KDM7A: variants seen among roughly 807,000 people sequenced by gnomAD.
KDM7A encodes the protein lysine-specific demethylase 7A.
Under a neutral mutation model 114.8 loss-of-function variants are expected in KDM7A, and 28 were observed. That is an observed-to-expected ratio of 0.24 (90% CI 0.18 to 0.33). The LOEUF (loss-of-function observed/expected upper bound fraction) is 0.33. Among genes scored for constraint, KDM7A ranks in the 10% least tolerant of loss-of-function variants. KDM7A has a pLI of 1.00. For synonymous variants in KDM7A, 423 were observed against 397.8 expected (o/e 1.06, Z -0.75); for missense variants, 942 against 1,142.5 (o/e 0.82, Z 2.53).
chr7:140,127,225 T>C (rs1015485143), intron 5 of KDM7A, among the ~76,000 whole-genome samples: 6 of 152,356 alleles, frequency 3.9e-5, no homozygotes, highest in South Asian at 2.1e-4. Flanking sequence ...CCTCCCAAAA[T>C]GCTGGGATTA....
intron 1 of KDM7A, among the ~76,000 whole-genome samples, chr7:140,164,737 A>C (rs925472819): frequency 6.6e-5 from 10 of 152,220 alleles, no homozygotes; most frequent in African/African-American, 2.4e-4. Context: ...TTAGATTTAC[A>C]TGCTGAAATA....
chr7:140,133,761 A>T (rs187482728), intron 2 of KDM7A, 105 bp from the exon 3 acceptor site: 1 of 593,708 alleles, frequency 1.7e-6, no homozygotes, highest in Non-Finnish European at 2.8e-6. Flanking sequence ...TTGTAAGTAC[A>T]TTAAAAACAC....
chr7:140,134,559 CT>C lies in KDM7A; in HGVS notation c.281-904del, dbSNP rs536958807. 8.4e-3 allele frequency among the ~76,000 whole-genome samples: 1,213 copies of C among 144,932 alleles called. 11 individuals are homozygous for C. The highest frequency in any genetic ancestry group is 0.015 in the African/African-American group (603 of 39,752). On this transcript the variant is annotated intron_variant, in intron 2 of 19. Transcript: ENST00000397560. The stretch of plus-strand genomic sequence containing the variant: ...TCAATGTACAATTTCTGTTTTAAAT[CT>C]TTTTTTTTTTTAAGCTTGAAAATTA...
At chr7:140,166,838 C>CTA (rs1794581474) in intron 1 of KDM7A, among the ~76,000 whole-genome samples, 1 of 152,092 alleles carries the variant, frequency 6.6e-6, no homozygotes, top group African/African-American at 2.4e-5. Context: ...CAAAGAAGTA[C>CTA]TAAAACTCTC....
chr7:140,127,246 C>T (rs953861508), intron 5 of KDM7A, among the ~76,000 whole-genome samples, 196 bp downstream of exon 5: 2 of 152,216 alleles, frequency 1.3e-5, no homozygotes, highest in Non-Finnish European at 2.9e-5. Context: ...AGGCATAAGC[C>T]ACTGTGCCCA....
chr7:140,104,081 ATG>A (rs1818284503), intron 11 of KDM7A, among the ~76,000 whole-genome samples: 1 of 151,944 alleles, frequency 6.6e-6, no homozygotes, highest in Non-Finnish European at 1.5e-5. Flanking sequence ...GCATTTTTTC[ATG>A]TGTCTGTTGG....
chr7:140,139,776 T>C (rs1330281826), intron 1 of KDM7A, among the ~76,000 whole-genome samples: 2 of 152,136 alleles, frequency 1.3e-5, no homozygotes. Context: ...ATTGATTCTT[T>C]GAAAAGATTA....
intron 2 of KDM7A, among the ~76,000 whole-genome samples, chr7:140,136,895 G>GA (rs1406090400): frequency 6.6e-6 from 1 of 152,144 alleles, no homozygotes; most frequent in African/African-American, 2.4e-5. Flanking sequence ...GCTGAGGCAG[G>GA]AGAATTGCTT....
chr7:140,172,212 A>G (rs1240578513), intron 1 of KDM7A, among the ~76,000 whole-genome samples: 1 of 152,164 alleles, frequency 6.6e-6, no homozygotes, highest in Non-Finnish European at 1.5e-5. Flanking sequence ...GTTCAAGGAA[A>G]TTTCTTATTG....
chr7:140,150,827 CTTTT>C (rs922394260), intron 1 of KDM7A, among the ~76,000 whole-genome samples: 3 of 127,864 alleles, frequency 2.3e-5, no homozygotes, highest in Admixed American at 7.9e-5. Flanking sequence ...AATCTCTGTT[CTTTT>C]TTTTTTTTTT....
intron 2 of KDM7A, among the ~76,000 whole-genome samples, chr7:140,138,561 C>T (rs1374489159): frequency 1.3e-5 from 2 of 152,076 alleles, no homozygotes; most frequent in African/African-American, 4.8e-5. Context: ...CCTTGTATCT[C>T]TACTTCCTCA....
intron 1 of KDM7A, among the ~76,000 whole-genome samples, chr7:140,169,934 T>C (rs1439605558): frequency 6.6e-6 from 1 of 152,228 alleles, no homozygotes; most frequent in South Asian, 2.1e-4. Flanking sequence ...AAATTGTGTA[T>C]AAATTATAAA....
intron 12 of KDM7A, among the ~76,000 whole-genome samples, chr7:140,100,681 C>CATATATATATATAT (rs1318217688): frequency 9.0e-5 from 4 of 44,348 alleles, no homozygotes; most frequent in South Asian, 6.2e-4. Flanking sequence ...TATATATATA[C>CATATATATATATAT]ATATATACAT....
chr7:140,085,864 G>A lies in KDM7A; in HGVS notation c.*5230C>T, dbSNP rs1207468021. On this transcript the variant is annotated 3_prime_UTR_variant, in exon 20 of 20. Coordinates refer to ENST00000397560, the MANE Select transcript of KDM7A (RefSeq NM_030647.2). ...AAAGGAAGAAATAGTTCTAGGTAAG[G>A]AATTAACTCCTCATTATATTTTACA... The A allele has an allele frequency of 6.6e-6, 1 of 152,152 alleles. No individual in the cohort carries two copies. Among genetic ancestry groups the A allele is most frequent in the East Asian group, 1.9e-4 (1 of 5,196 alleles). 9.4% of individuals were successfully genotyped at this position (152,152 alleles called of 1,614,324 possible). A position where few individuals can be genotyped will look rare whatever the true frequency, so the allele number is the denominator to read the frequency against.
chr7:140,102,005 T>C lies in KDM7A; in HGVS notation c.1584A>G (p.Leu528=), dbSNP rs1459374438. 5.0e-6 allele frequency: 8 copies of C among 1,613,766 alleles called. No homozygotes were observed. Among genetic ancestry groups the C allele is most frequent in the Admixed American group, 1.7e-5 (1 of 59,998 alleles). The change falls in exon 12 of 20, where the codon CTA becomes CTG. Residue 528 remains leucine (L), a synonymous_variant. Coordinates refer to ENST00000397560, the MANE Select transcript of KDM7A (RefSeq NM_030647.2). ...NVRTPSNLDI[L]ELHTREVLKR... is the part of the protein sequence containing the mutation. ...TGAGGACCTCCCTTGTGTGGAGCTC[T>C]AGGATGTCTAGGTTAGAAGGAGTTC...
At chr7:140,135,035 A>AC (rs1818844514) in intron 2 of KDM7A, among the ~76,000 whole-genome samples, 1 of 85,736 alleles carries the variant, frequency 1.2e-5, no homozygotes, top group Admixed American at 1.2e-4. Flanking sequence ...CGTAAGTCCC[A>AC]TTAAAAAAAA....
At chr7:140,099,221 G>A (rs565364666) in intron 13 of KDM7A, among the ~76,000 whole-genome samples, 188 bp from the exon 14 acceptor site, 22 of 152,134 alleles carry the variant, frequency 1.4e-4, no homozygotes, top group Non-Finnish European at 2.9e-4. Flanking sequence ...TTGAGACAGG[G>A]TCTTGCTCTG....
At chr7:140,095,790 G>A (rs1818098356) in intron 17 of KDM7A, 1 of 160,712 alleles carries the variant, frequency 6.2e-6, no homozygotes, top group Non-Finnish European at 1.4e-5. Context: ...GAGACAGGAA[G>A]ATTGCTTGAG....
chr7:140,109,240 T>C (rs1299301248), intron 11 of KDM7A, among the ~76,000 whole-genome samples: 1 of 152,230 alleles, frequency 6.6e-6, no homozygotes, highest in Non-Finnish European at 1.5e-5. Context: ...TGCACCGCCC[T>C]GCTTTGGCTC....
Sources: gnomAD v4.1 joint callset for allele counts (sites outside exome capture counted in the v4.1 genomes callset) on GRCh38, gnomAD v4.1.1 for gene constraint, MANE v1.5 for transcripts, NCBI Gene and HGNC (gene_info 2026-07-23, HGNC 2026-07-21) for gene names.